The following ZBTB20 variants were observed in gnomAD, a reference collection of about 807,000 sequenced individuals.
ZBTB20 encodes the protein zinc finger and BTB domain containing 20.
ZBTB20 carries 9 observed loss-of-function variants against 56.9 expected under a neutral mutation model. That is an observed-to-expected ratio of 0.16 (90% CI 0.10 to 0.28). The LOEUF is 0.28. Among genes scored for constraint, ZBTB20 ranks in the 10% least tolerant of loss-of-function variants. ZBTB20 has a pLI of 1.00. For missense variants in ZBTB20, 655 were observed against 1,003.0 expected, an observed-to-expected ratio of 0.65 and a Z score of 4.69; for synonymous variants, 417 against 420.7, an observed-to-expected ratio of 0.99 and a Z score of 0.11.
At position 114,338,041 on chromosome 3, in the gene ZBTB20, C is replaced by T. The variant is rs1217188559; in HGVS notation, c.*964G>A. 17 of 151,708 alleles carry T rather than the reference C, an allele frequency of 1.1e-4. No individual in the cohort carries two copies. Among genetic ancestry groups the T allele is most frequent in the Admixed American group, 1.1e-3 (17 of 15,228 alleles). 9.4% of individuals were successfully genotyped at this position (151,708 alleles called of 1,614,324 possible). A position where few individuals can be genotyped will look rare whatever the true frequency, so the allele number is the denominator to read the frequency against. On this transcript the variant is annotated 3_prime_UTR_variant, in exon 12 of 12. Transcript: ENST00000675478. ...GCCTCAAGAACTTTTTATTGTTCCC[C>T]CCACCCTCCATTTCTTTTTCTTTTT...
At chr3:114,464,998 C>T (rs1245014604) in intron 7 of ZBTB20, among the ~76,000 whole-genome samples, 1 of 151,838 alleles carries the variant, frequency 6.6e-6, no homozygotes, top group Non-Finnish European at 1.5e-5. Context: ...CTCCCCCAAC[C>T]CCCACACACT....
At chr3:114,477,598 C>A (rs549588100) in intron 7 of ZBTB20, among the ~76,000 whole-genome samples, 1 of 148,822 alleles carries the variant, frequency 6.7e-6, no homozygotes, top group Admixed American at 6.7e-5. Flanking sequence ...TCGGTTCAAG[C>A]GATTCTCCTG....
chr3:115,108,622 A>T (rs2083790144), intron 1 of ZBTB20, among the ~76,000 whole-genome samples: 1 of 152,212 alleles, frequency 6.6e-6, no homozygotes, highest in Non-Finnish European at 1.5e-5. Context: ...ATATAGTAGT[A>T]GAACGAAGAA....
intron 2 of ZBTB20, among the ~76,000 whole-genome samples, chr3:115,016,535 A>G (rs1343633963): frequency 1.3e-5 from 2 of 151,920 alleles, no homozygotes; most frequent in Non-Finnish European, 2.9e-5. Flanking sequence ...GCATATGGCT[A>G]GCCAGTTCTC....
chr3:114,570,230 AT>A (rs547347778), intron 6 of ZBTB20, among the ~76,000 whole-genome samples: 376 of 149,982 alleles, frequency 2.5e-3, no homozygotes, highest in African/African-American at 7.3e-3. Context: ...AGATCATAGA[AT>A]TTTTTTTTTA....
intron 1 of ZBTB20, among the ~76,000 whole-genome samples, chr3:115,142,284 C>T (rs918279612): frequency 2.0e-5 from 3 of 152,104 alleles, no homozygotes; most frequent in Non-Finnish European, 4.4e-5. Flanking sequence ...AAACACACAT[C>T]GATCAACCAT....
At position 114,679,372 on chromosome 3, in the gene ZBTB20, T is replaced by A. The variant is rs182853263; in HGVS notation, c.-295+14156A>T. On this transcript the variant is annotated intron_variant, in intron 6 of 11. Transcript: ENST00000675478. ...AACCTACAAAATGGGAGAAAATGTT[T>A]GCCATCTATCCATGTGACAAAGGGC... Among the ~76,000 whole-genome samples, 10 of 152,292 alleles carry A rather than the reference T, an allele frequency of 6.6e-5. 2 individuals are homozygous for A. Among genetic ancestry groups the A allele is most frequent in the Admixed American group, 5.2e-4 (8 of 15,294 alleles).
intron 2 of ZBTB20, among the ~76,000 whole-genome samples, chr3:115,010,741 C>A (rs2079667005): frequency 1.3e-5 from 2 of 151,920 alleles, no homozygotes; most frequent in African/African-American, 4.8e-5. Flanking sequence ...CCTGGACAAA[C>A]ATCTATAAGC....
At chr3:114,889,418 C>T (rs2076724393) in intron 4 of ZBTB20, among the ~76,000 whole-genome samples, 1 of 151,998 alleles carries the variant, frequency 6.6e-6, no homozygotes, top group African/African-American at 2.4e-5. Context: ...GTTCTTACAA[C>T]TCAGAGATGA....
intron 6 of ZBTB20, among the ~76,000 whole-genome samples, chr3:114,520,377 C>T (rs1358697154): frequency 1.3e-5 from 2 of 152,096 alleles, no homozygotes; most frequent in Non-Finnish European, 2.9e-5. Flanking sequence ...CAACTGACTA[C>T]GTGATCTCAT....
chr3:114,594,320 G>A (rs933167082), intron 6 of ZBTB20, among the ~76,000 whole-genome samples: 3 of 145,864 alleles, frequency 2.1e-5, no homozygotes, highest in Non-Finnish European at 3.0e-5. Context: ...AGGCTGGAGT[G>A]CAGTGGTGCG....
At chr3:115,081,197 A>G (rs2082783897) in intron 1 of ZBTB20, among the ~76,000 whole-genome samples, 1 of 152,162 alleles carries the variant, frequency 6.6e-6, no homozygotes, top group African/African-American at 2.4e-5. Context: ...TCTGGATTCT[A>G]TGTAAAGCAA....
chr3:114,389,646 T>C lies in ZBTB20; in HGVS notation c.-254-541A>G, dbSNP rs1341541451. Among the ~76,000 whole-genome samples, 3 of 151,960 alleles carry C rather than the reference T, an allele frequency of 2.0e-5. No individual in the cohort carries two copies. In the East Asian group the frequency reaches 5.8e-4, roughly 29 times the overall value. On this transcript the variant is annotated intron_variant, in intron 7 of 11. Transcript: ENST00000675478. ...GGCTCACACCTGTAATCCCAGCACTTTGGGAGGCCGAGGTGTGAGGATCAC... is the reference window on the plus strand; with the variant it reads ...GGCTCACACCTGTAATCCCAGCACTCTGGGAGGCCGAGGTGTGAGGATCAC...
intron 4 of ZBTB20, among the ~76,000 whole-genome samples, chr3:114,899,654 C>G (rs1183305211): frequency 6.6e-6 from 1 of 152,128 alleles, no homozygotes; most frequent in African/African-American, 2.4e-5. Flanking sequence ...CTTTCAGAGT[C>G]AGAGTACACA....
At chr3:114,955,161 C>T (rs1191762136) in intron 3 of ZBTB20, among the ~76,000 whole-genome samples, 1 of 152,128 alleles carries the variant, frequency 6.6e-6, no homozygotes, top group Non-Finnish European at 1.5e-5. Flanking sequence ...ACAATTAGAC[C>T]TCCTATAAAT....
At chr3:114,561,120 A>G (rs995735029) in intron 6 of ZBTB20, among the ~76,000 whole-genome samples, 10 of 152,212 alleles carry the variant, frequency 6.6e-5, no homozygotes, top group Non-Finnish European at 1.5e-4. Context: ...AAAGTACAAC[A>G]ATTCAGTTAC....
chr3:114,587,696 T>C (rs1454187749), intron 6 of ZBTB20, among the ~76,000 whole-genome samples: 1 of 152,240 alleles, frequency 6.6e-6, no homozygotes, highest in African/African-American at 2.4e-5. Flanking sequence ...TTTTCCATTG[T>C]TCCAAAGCCC....
chr3:114,649,743 G>C (rs1308383431), intron 6 of ZBTB20, among the ~76,000 whole-genome samples: 1 of 151,898 alleles, frequency 6.6e-6, no homozygotes. Context: ...TTTTGACCAA[G>C]TCACATTCCT....
chr3:114,648,350 A>C (rs1347812596), intron 6 of ZBTB20, among the ~76,000 whole-genome samples: 1 of 151,924 alleles, frequency 6.6e-6, no homozygotes, highest in Non-Finnish European at 1.5e-5. Flanking sequence ...ACATTCTTAA[A>C]ATTAATAATT....
Sources: gnomAD v4.1 joint callset for allele counts (sites outside exome capture counted in the v4.1 genomes callset) on GRCh38, gnomAD v4.1.1 for gene constraint, MANE v1.5 for transcripts, NCBI Gene and HGNC (gene_info 2026-07-23, HGNC 2026-07-21) for gene names.